Variants in CFAP58 observed in about 807,000 individuals in gnomAD.
CFAP58 encodes the protein cilia and flagella associated protein 58.
A neutral mutation model predicts 119.5 loss-of-function variants in CFAP58; 88 were observed. That is an observed-to-expected ratio of 0.74 (90% confidence interval 0.62 to 0.88). The LOEUF (loss-of-function observed/expected upper bound fraction) is 0.88, where lower values mean the gene tolerates loss of function less well. Among genes scored for constraint, CFAP58 ranks in the 40% least tolerant of loss-of-function variants. CFAP58 has a pLI of 0.00. For missense variants in CFAP58, 990 were observed against 1,021.2 expected, an observed-to-expected ratio of 0.97 and a Z score of 0.42; for synonymous variants, 365 against 366.3, an observed-to-expected ratio of 1.00 and a Z score of 0.04.
At chr10:104,399,820 G>T (rs1217942409) in intron 12 of CFAP58, among the ~76,000 whole-genome samples, 1 of 151,956 alleles carries the variant, frequency 6.6e-6, no homozygotes, top group Non-Finnish European at 1.5e-5. Flanking sequence ...TACATGATTT[G>T]ATCTTGACTG....
chr10:104,368,547 C>T lies in CFAP58; in HGVS notation c.917C>T (p.Ala306Val), dbSNP rs1455999629. The change falls in exon 6 of 18, where the codon GCG becomes GTG. Residue 306 changes from alanine (A) to valine (V), a missense_variant. Physicochemically the swap from Ala to Val is moderately conservative, Grantham distance 64. Coordinates refer to ENST00000369704, the MANE Select transcript of CFAP58 (RefSeq NM_001008723.2). ...EQLSQENQQK[A>V]LELKAKEEEV... ...CTATCCCAGGAAAACCAACAGAAGG[C>T]GTTGGAGCTCAAAGTAAACACCAAG... 1.3e-5 allele frequency: 21 copies of T among 1,613,808 alleles called. 1 individual carries two copies. The highest frequency in any genetic ancestry group is 1.2e-4 in the South Asian group (11 of 91,072).
At chr10:104,340,904 G>A in the CFAP58 span, among the ~76,000 whole-genome samples, 1 of 152,222 alleles carries the variant, frequency 6.6e-6, no homozygotes, top group South Asian at 2.1e-4. Context: ...ATAGAAAAAA[G>A]CCCTCTCCCC....
In CFAP58 at chr10:104,406,671, G is replaced by GT. The variant is rs774297628; in HGVS notation, c.2152-16dup. ...AGCTGATGATATCTCAGCTGCTATTGTTGTTCCCCTTGGACAGGCCAGCGA... is the reference window on the plus strand; with the variant it reads ...AGCTGATGATATCTCAGCTGCTATTGTTTGTTCCCCTTGGACAGGCCAGCGA... On this transcript the variant is annotated splice_polypyrimidine_tract_variant and intron_variant, in intron 14 of 17. Transcript: ENST00000369704. 1.2e-6 allele frequency: 2 copies of GT among 1,605,900 alleles called. No individual in the cohort carries two copies. Among genetic ancestry groups the GT allele is most frequent in the Non-Finnish European group, 1.7e-6 (2 of 1,173,094 alleles).
At chr10:104,435,435 T>A (rs2012917549) in intron 15 of CFAP58, among the ~76,000 whole-genome samples, 1 of 152,190 alleles carries the variant, frequency 6.6e-6, no homozygotes, top group South Asian at 2.1e-4. Context: ...TGAGCCAAGA[T>A]TGTGCCACAG....
At chr10:104,343,440 G>A in the CFAP58 span, among the ~76,000 whole-genome samples, 2 of 152,170 alleles carry the variant, frequency 1.3e-5, no homozygotes, top group African/African-American at 4.8e-5. Flanking sequence ...TATTACTCAA[G>A]CATTTTATAC....
chr10:104,402,442 A>C (rs2012281969), intron 13 of CFAP58, among the ~76,000 whole-genome samples: 1 of 152,192 alleles, frequency 6.6e-6, no homozygotes, highest in African/African-American at 2.4e-5. Context: ...GTTTAAATGA[A>C]TCGATTAAGT....
chr10:104,420,197 A>C (rs1035352751), intron 15 of CFAP58, among the ~76,000 whole-genome samples: 2 of 151,966 alleles, frequency 1.3e-5, no homozygotes, highest in African/African-American at 4.8e-5. Context: ...TGTCCTTTCA[A>C]ACTTGCCTGA....
intron 15 of CFAP58, among the ~76,000 whole-genome samples, chr10:104,427,729 C>A (rs888256996): frequency 6.6e-6 from 1 of 152,188 alleles, no homozygotes; most frequent in Non-Finnish European, 1.5e-5. Context: ...TTTCAAAATT[C>A]TGTTCAGCTA....
chr10:104,412,888 T>C (rs1442873933), intron 15 of CFAP58, among the ~76,000 whole-genome samples: 3 of 152,228 alleles, frequency 2.0e-5, no homozygotes, highest in African/African-American at 7.2e-5. Context: ...CTTTAGGTCT[T>C]AGCTTAAATA....
At chr10:104,445,270 A>G (rs2133095542) in intron 15 of CFAP58, among the ~76,000 whole-genome samples, 1 of 150,134 alleles carries the variant, frequency 6.7e-6, no homozygotes, top group South Asian at 2.2e-4. Context: ...CTGCAGTGAG[A>G]TATGATTGTG....
the CFAP58 span, among the ~76,000 whole-genome samples, chr10:104,342,987 A>G: frequency 1.9e-4 from 29 of 152,184 alleles, no homozygotes; most frequent in Admixed American, 1.8e-3. Context: ...TGTTCACCCC[A>G]TCTGTGGTTA....
chr10:104,366,277 A>G (rs535065565), intron 5 of CFAP58, among the ~76,000 whole-genome samples: 5 of 152,240 alleles, frequency 3.3e-5, no homozygotes, highest in African/African-American at 9.6e-5. Flanking sequence ...AGACAAGTGT[A>G]TATGTCACAA....
At chr10:104,449,830 T>C (rs145609249) in intron 16 of CFAP58, among the ~76,000 whole-genome samples, 93 of 152,332 alleles carry the variant, frequency 6.1e-4, no homozygotes, top group African/African-American at 2.2e-3. Flanking sequence ...CTAATAGTTC[T>C]TGTTTTAAGT....
Position 104,454,554 on chromosome 10 carries a change from G to T in CFAP58, c.*24G>T, listed in dbSNP as rs1261005608. ...AACCTGAAGCTGCTGGCTGTTTCCA[G>T]TTGAACAACTCATGAAATCTGCTCT... is the stretch of plus-strand genomic sequence containing the variant. On this transcript the variant is annotated 3_prime_UTR_variant, in exon 18 of 18. Transcript: ENST00000369704. The T allele has an allele frequency of 1.9e-6, 3 of 1,545,716 alleles. No homozygotes were observed. Among genetic ancestry groups the T allele is most frequent in the Non-Finnish European group, 2.7e-6 (3 of 1,118,030 alleles).
chr10:104,400,695 G>C lies in CFAP58; in HGVS notation c.1831G>C (p.Asp611His). Reference protein sequence around the residue: ...KELDQVISERDILGSQLVRRN... With the variant: ...KELDQVISERHILGSQLVRRN... ...ACCTTCCTAGGTCATCAGTGAGAGAGATATCCTGGGGTCTCAGCTTGTTCG... is the reference window on the plus strand; with the variant it reads ...ACCTTCCTAGGTCATCAGTGAGAGACATATCCTGGGGTCTCAGCTTGTTCG... Residue 611 changes from aspartate (D) to histidine (H), a missense_variant, in exon 13 of 18, where the codon GAT becomes CAT. By Grantham distance (81) the Asp-to-His change is moderately conservative. Coordinates refer to ENST00000369704, the MANE Select transcript of CFAP58 (RefSeq NM_001008723.2). 2 of 1,613,940 alleles carry C rather than the reference G, an allele frequency of 1.2e-6. No individual in the cohort carries two copies. The highest frequency in any genetic ancestry group is 1.7e-6 in the Non-Finnish European group (2 of 1,180,014).
At chr10:104,343,649 T>C in the CFAP58 span, among the ~76,000 whole-genome samples, 1 of 152,250 alleles carries the variant, frequency 6.6e-6, no homozygotes, top group Non-Finnish European at 1.5e-5. Flanking sequence ...CAAACTGTTA[T>C]GTTCCCTTTT....
At position 104,358,149 on chromosome 10, in the gene CFAP58, T is replaced by A. The variant is rs112889342; in HGVS notation, c.10-192T>A. Among the ~76,000 whole-genome samples the A allele has an allele frequency of 3.4e-3, 511 of 149,232 alleles. 8 individuals are homozygous for A. Among genetic ancestry groups the A allele is most frequent in the African/African-American group, 0.013 (489 of 39,116 alleles). ...CTTATATATACACATATATATGTACTTATATATGTACATAAGCATCAGGGT... is the reference window on the plus strand; with the variant it reads ...CTTATATATACACATATATATGTACATATATATGTACATAAGCATCAGGGT... On this transcript the variant is annotated intron_variant, in intron 1 of 17. Transcript: ENST00000369704.
In CFAP58 at chr10:104,380,209, C is replaced by A; in HGVS notation, c.1354C>A (p.Leu452Ile). Residue 452 changes from leucine (L) to isoleucine (I), a missense_variant, in exon 9 of 18, where the codon CTT becomes ATT. Leu to Ile is a conservative substitution (Grantham distance 5). Transcript: ENST00000369704. ...RDRYINQASD[L>I]TQKVLMNMED... ...CCGGTACATCAACCAAGCCAGTGAC[C>A]TTACGCAAAAGGTAAGCTGCTCAGT... 1.2e-6 allele frequency: 2 copies of A among 1,613,622 alleles called. No homozygotes were observed. Among genetic ancestry groups the A allele is most frequent in the South Asian group, 2.2e-5 (2 of 90,984 alleles).
At chr10:104,378,294 T>C (rs1374740166) in intron 8 of CFAP58, among the ~76,000 whole-genome samples, 2 of 152,254 alleles carry the variant, frequency 1.3e-5, no homozygotes, top group African/African-American at 4.8e-5. Flanking sequence ...ATTTTGATTC[T>C]TTTAGTGTCA....
Sources: gnomAD v4.1 joint callset for allele counts (sites outside exome capture counted in the v4.1 genomes callset) on GRCh38, gnomAD v4.1.1 for gene constraint, MANE v1.5 for transcripts, NCBI Gene and HGNC (gene_info 2026-07-23, HGNC 2026-07-21) for gene names.